KCNIP1: variants seen among roughly 807,000 people sequenced by gnomAD.
KCNIP1 encodes the protein potassium voltage-gated channel interacting protein 1, also known as A-type potassium channel modulatory protein KCNIP1.
In KCNIP1, 18 loss-of-function variants were observed where a neutral mutation model predicts 33.0. That is an observed-to-expected ratio of 0.55 (90% CI 0.38 to 0.81). The LOEUF is 0.81. Among genes scored for constraint, KCNIP1 ranks in the 30% least tolerant of loss-of-function variants. The pLI is 0.00. For missense variants in KCNIP1, 238 were observed against 271.6 expected (o/e 0.88, Z 0.87); for synonymous variants, 93 against 98.3 (o/e 0.95, Z 0.32).
chr5:170,642,788 AT>A (rs1760625409), intron 1 of KCNIP1, among the ~76,000 whole-genome samples: 1 of 152,200 alleles, frequency 6.6e-6, no homozygotes, highest in Non-Finnish European at 1.5e-5. Context: ...TAAAACCAAT[AT>A]TCCACATAAT....
At chr5:170,363,971 T>A (rs1351482089) in intron 1 of KCNIP1, among the ~76,000 whole-genome samples, 1 of 151,934 alleles carries the variant, frequency 6.6e-6, no homozygotes, top group Non-Finnish European at 1.5e-5. Flanking sequence ...ACAGTATTTG[T>A]GTCTGGCTTA....
intron 1 of KCNIP1, among the ~76,000 whole-genome samples, chr5:170,495,938 T>C (rs1237499124): frequency 6.6e-6 from 1 of 152,132 alleles, no homozygotes; most frequent in Non-Finnish European, 1.5e-5. Flanking sequence ...AGGCTCCAAT[T>C]GCAGCAGCAG....
At chr5:170,418,934 T>C (rs887482702) in intron 1 of KCNIP1, among the ~76,000 whole-genome samples, 5 of 152,236 alleles carry the variant, frequency 3.3e-5, no homozygotes, top group African/African-American at 1.2e-4. Context: ...CTGGAAGCTA[T>C]CATTTTTCAC....
At chr5:170,439,185 G>T (rs974088974) in intron 1 of KCNIP1, among the ~76,000 whole-genome samples, 1 of 152,154 alleles carries the variant, frequency 6.6e-6, no homozygotes, top group Non-Finnish European at 1.5e-5. Flanking sequence ...TTAATAAACC[G>T]GGTGAACTGA....
intron 1 of KCNIP1, among the ~76,000 whole-genome samples, chr5:170,428,683 A>G (rs771408385): frequency 2.1e-4 from 32 of 152,124 alleles, no homozygotes; most frequent in Non-Finnish European, 3.8e-4. Context: ...CACCTACACT[A>G]AAGCCAATAG....
intron 1 of KCNIP1, chr5:170,377,403 A>T (rs530306421): frequency 3.9e-5 from 6 of 152,178 alleles, no homozygotes; most frequent in Admixed American, 3.9e-4. Flanking sequence ...TTCTAGGAAA[A>T]CTTCCTGGAG....
At chr5:170,644,869 C>A (rs1278653351) in intron 1 of KCNIP1, among the ~76,000 whole-genome samples, 1 of 152,216 alleles carries the variant, frequency 6.6e-6, no homozygotes, top group Non-Finnish European at 1.5e-5. Flanking sequence ...GACAGAGAAT[C>A]CCTGGGCCCC....
At chr5:170,722,887 C>A in intron 5 of KCNIP1, 67 bp downstream of exon 5, 1 of 978,052 alleles carries the variant, frequency 1.0e-6, no homozygotes, top group Non-Finnish European at 1.6e-6. Context: ...CAGAAAACAG[C>A]CCCAGGCATG....
intron 1 of KCNIP1, among the ~76,000 whole-genome samples, chr5:170,615,621 G>T (rs544084898): frequency 3.9e-5 from 6 of 152,156 alleles, no homozygotes; most frequent in African/African-American, 1.4e-4. Context: ...AAAGGGCAAG[G>T]AAGACTCCCT....
chr5:170,658,392 T>C (rs1345510608), intron 1 of KCNIP1, among the ~76,000 whole-genome samples: 2 of 152,126 alleles, frequency 1.3e-5, no homozygotes, highest in African/African-American at 4.8e-5. Context: ...AACCCACCAG[T>C]CCCACTCCCC....
At chr5:170,432,178 G>A (rs1755758840) in intron 1 of KCNIP1, among the ~76,000 whole-genome samples, 1 of 151,970 alleles carries the variant, frequency 6.6e-6, no homozygotes, top group South Asian at 2.1e-4. Context: ...CTAAAAACAG[G>A]GGCTTCTGAT....
At chr5:170,436,071 C>T (rs1755855767) in intron 1 of KCNIP1, among the ~76,000 whole-genome samples, 1 of 152,180 alleles carries the variant, frequency 6.6e-6, no homozygotes, top group Non-Finnish European at 1.5e-5. Context: ...CTTCAATCCA[C>T]CCTACAGGAC....
upstream of KCNIP1, chr5:170,504,003 G>T: frequency 4.6e-6 from 3 of 650,434 alleles, no homozygotes; most frequent in Non-Finnish European, 5.7e-6. The surrounding 1 kb of genome is among the most constrained non-coding windows in gnomAD (Gnocchi z 6.0). Context: ...CCCCTCCGCC[G>T]CCCCCTCCGC....
At chr5:170,665,321 C>T (rs1761662073) in intron 1 of KCNIP1, among the ~76,000 whole-genome samples, 1 of 151,786 alleles carries the variant, frequency 6.6e-6, no homozygotes, top group Non-Finnish European at 1.5e-5. Context: ...GATTTATTTA[C>T]AGAAATCTGG....
At chr5:170,367,352 A>AGAAAGAAG (rs1561586705) in intron 1 of KCNIP1, among the ~76,000 whole-genome samples, 2 of 41,726 alleles carry the variant, frequency 4.8e-5, no homozygotes, top group Non-Finnish European at 9.5e-5. Flanking sequence ...GGAAAGAAAA[A>AGAAAGAAG]GAAAGAAAGA....
intron 1 of KCNIP1, among the ~76,000 whole-genome samples, chr5:170,374,102 A>C (rs1763922692): frequency 6.6e-6 from 1 of 152,232 alleles, no homozygotes; most frequent in African/African-American, 2.4e-5. Flanking sequence ...CAATAAAATA[A>C]ATGCAGTTTG....
intron 1 of KCNIP1, chr5:170,639,636 C>T (rs956033504): frequency 6.6e-6 from 1 of 152,244 alleles, no homozygotes; most frequent in Non-Finnish European, 1.5e-5. Context: ...ACTGCTGGAC[C>T]ACCTGTGGTT....
intron 1 of KCNIP1, among the ~76,000 whole-genome samples, chr5:170,688,160 C>G (rs1285036094): frequency 6.6e-6 from 1 of 152,168 alleles, no homozygotes; most frequent in African/African-American, 2.4e-5. Context: ...ACAGATGAGG[C>G]ACAGAGAAGT....
chr5:170,544,762 A>G (rs543402076), intron 1 of KCNIP1, among the ~76,000 whole-genome samples: 30 of 152,148 alleles, frequency 2.0e-4, no homozygotes, highest in African/African-American at 6.5e-4. Flanking sequence ...TTAGTTTATT[A>G]TAGTGTATTT....
Sources: allele counts gnomAD v4.1 joint callset (sites outside exome capture counted in the v4.1 genomes callset), GRCh38; gene constraint gnomAD v4.1.1; non-coding constraint Gnocchi (gnomAD v3.1); transcripts MANE v1.5; gene names NCBI Gene and HGNC (gene_info 2026-07-23, HGNC 2026-07-21).